CKAP5: variants seen among roughly 807,000 people sequenced by gnomAD.
The protein encoded by CKAP5 is cytoskeleton-associated protein 5.
In CKAP5, 27 loss-of-function variants were observed where a neutral mutation model predicts 232.8. The ratio of observed to expected loss-of-function variants is 0.12; its 90% CI spans 0.09 to 0.16. CKAP5 has a LOEUF of 0.16. Among genes scored for constraint, CKAP5 ranks in the 10% least tolerant of loss-of-function variants. CKAP5 has a pLI of 1.00. For missense variants in CKAP5, 1,838 were observed against 2,424.7 expected (o/e 0.76, Z 5.08); for synonymous variants, 785 against 841.1 (o/e 0.93, Z 1.16).
intron 28 of CKAP5, 128 bp downstream of exon 28, chr11:46,764,998 AATAAT>A (rs1269182499): frequency 6.6e-5 from 47 of 710,974 alleles, no homozygotes; most frequent in Non-Finnish European, 8.7e-5. Context: ...CCATAAACTA[AATAAT>A]ATAATTTATA....
At chr11:46,822,593 C>G (rs1024345211) in intron 1 of CKAP5, among the ~76,000 whole-genome samples, 1 of 151,480 alleles carries the variant, frequency 6.6e-6, no homozygotes, top group Non-Finnish European at 1.5e-5. Context: ...CTATTAAAAA[C>G]ACAAAAAATT....
intron 24 of CKAP5, among the ~76,000 whole-genome samples, chr11:46,775,462 C>CTGG (rs2065282707): frequency 6.6e-6 from 1 of 152,188 alleles, no homozygotes; most frequent in Non-Finnish European, 1.5e-5. Flanking sequence ...ACCCAGCAAT[C>CTGG]CCATTACTGG....
At chr11:46,819,879 ATTTT>A (rs990231154) in intron 2 of CKAP5, among the ~76,000 whole-genome samples, 4 of 152,036 alleles carry the variant, frequency 2.6e-5, no homozygotes, top group South Asian at 2.1e-4. Flanking sequence ...AACCAGATTT[ATTTT>A]TTTATTTTTT....
intron 33 of CKAP5, chr11:46,760,237 C>A (rs931223033): frequency 9.0e-6 from 3 of 334,080 alleles, no homozygotes; most frequent in African/African-American, 4.3e-5. Flanking sequence ...TTATGGACAC[C>A]CTCTACCCTG....
At chr11:46,761,849 G>T in intron 32 of CKAP5, 151 bp downstream of exon 32, 1 of 573,318 alleles carries the variant, frequency 1.7e-6, no homozygotes. Context: ...CACCTCAAGG[G>T]TCTATCTGGA....
chr11:46,762,880 G>A (rs1317851534), intron 30 of CKAP5, 96 bp downstream of exon 30: 5 of 1,436,238 alleles, frequency 3.5e-6, no homozygotes, highest in Non-Finnish European at 4.8e-6. Context: ...AAGGTACCGT[G>A]ATATAATCAG....
At chr11:46,780,354 C>T (rs1378883556) in intron 19 of CKAP5, 35 bp from the exon 20 acceptor site, 6 of 1,613,692 alleles carry the variant, frequency 3.7e-6, no homozygotes. Context: ...TTTTAAATCA[C>T]AAAGATGGCA....
chr11:46,801,886 G>A (rs570638501), intron 8 of CKAP5, among the ~76,000 whole-genome samples: 11 of 152,184 alleles, frequency 7.2e-5, no homozygotes, highest in Non-Finnish European at 1.6e-4. Flanking sequence ...TGTCAGCACT[G>A]TTCAACTGTG....
chr11:46,843,775 T>C (rs1940115906), intron 1 of CKAP5, among the ~76,000 whole-genome samples: 1 of 151,526 alleles, frequency 6.6e-6, no homozygotes, highest in South Asian at 2.1e-4. Flanking sequence ...ATGTAAGTGT[T>C]GACAGAACTA....
At chr11:46,787,951 G>A (rs988573820) in intron 16 of CKAP5, among the ~76,000 whole-genome samples, 1 of 152,150 alleles carries the variant, frequency 6.6e-6, no homozygotes, top group African/African-American at 2.4e-5. Flanking sequence ...GATGGGAATT[G>A]AAGACCTTTA....
chr11:46,782,610 A>G (rs1488639264), intron 18 of CKAP5, among the ~76,000 whole-genome samples: 2 of 152,210 alleles, frequency 1.3e-5, no homozygotes, highest in Non-Finnish European at 2.9e-5. Flanking sequence ...CAGCTACATC[A>G]TTCTTTCTCC....
rs768641589 is a variant in CKAP5, at chr11:46,763,571, T to C, written c.3597A>G (p.Gln1199=). 3.7e-6 allele frequency: 6 copies of C among 1,601,718 alleles called. No individual in the cohort carries two copies. The highest frequency in any genetic ancestry group is 2.2e-5 in the South Asian group (2 of 89,520). Residue 1199 remains glutamine, a synonymous_variant, in exon 29 of 44, where the codon CAA becomes CAG. Coordinates refer to ENST00000529230, the MANE Select transcript of CKAP5 (RefSeq NM_001008938.4). ...ACCATTTAGCCACACAGCTAGACAT[T>C]TGAGTCTTTAGTTGCTCAATGTATT... ...RDEYIEQLKT[Q]MSSCVAKWLQ...
intron 33 of CKAP5, 137 bp from the exon 34 acceptor site, chr11:46,759,579 C>G: frequency 1.2e-6 from 1 of 807,128 alleles, no homozygotes; most frequent in Non-Finnish European, 1.9e-6. Context: ...GATTTAAGTC[C>G]CTGAGTCTAA....
intron 36 of CKAP5, among the ~76,000 whole-genome samples, chr11:46,754,067 C>T (rs1335793687): frequency 2.6e-5 from 4 of 151,710 alleles, no homozygotes; most frequent in African/African-American, 9.7e-5. Context: ...GGCACGATCT[C>T]GGCTCACTGA....
At chr11:46,765,649 GGCTGGAGTGCAGTGGCGTGATCTCA>G (rs2065197060) in intron 27 of CKAP5, among the ~76,000 whole-genome samples, 2 of 133,774 alleles carry the variant, frequency 1.5e-5, no homozygotes, top group Admixed American at 8.7e-5. Flanking sequence ...CTGTCGCCCA[GGCTGGAGTGCAGTGGCGTGATCTCA>G]GCTCACTGCA....
intron 42 of CKAP5, among the ~76,000 whole-genome samples, chr11:46,747,783 G>A (rs2065033101): frequency 6.6e-6 from 1 of 152,104 alleles, no homozygotes; most frequent in African/African-American, 2.4e-5. Context: ...GGGGAGGCCA[G>A]GCGTGGTGGC....
rs2065064606 is a variant in CKAP5 at position 46,751,548 on chromosome 11, A to G, written c.5134-14T>C. 1 of 1,594,950 alleles carries G rather than the reference A, an allele frequency of 6.3e-7. No individual in the cohort carries two copies. Among genetic ancestry groups the G allele is most frequent in the South Asian group, 1.1e-5 (1 of 88,958 alleles). ...TCTCCAGAGACACTATTGAAAAAAG[A>G]ATAAAAGAGTTAGGAGTGACTGAAG... On this transcript the variant is annotated splice_polypyrimidine_tract_variant and intron_variant, in intron 38 of 43. Transcript: ENST00000529230.
intron 32 of CKAP5, among the ~76,000 whole-genome samples, chr11:46,761,495 T>C (rs2065154854): frequency 6.6e-6 from 1 of 152,090 alleles, no homozygotes; most frequent in African/African-American, 2.4e-5. Context: ...CCTGTGTAAA[T>C]ACATGGTGAC....
At position 46,809,742 on chromosome 11, in the gene CKAP5, C is replaced by T. The variant is rs1237669649; in HGVS notation, c.763G>A (p.Gly255Ser). Residue 255 changes from glycine (G) to serine (S), a missense_variant and splice_region_variant, in exon 6 of 44, where the codon GGT becomes AGT. By Grantham distance (56) the Gly-to-Ser change is moderately conservative. Coordinates refer to ENST00000529230, the MANE Select transcript of CKAP5 (RefSeq NM_001008938.4). Reference protein sequence around the residue: ...QQSAGGDAEGGGDDGDEVPQI... With the variant: ...QQSAGGDAEGSGDDGDEVPQI... The stretch of plus-strand genomic sequence containing the variant: ...AAACCGGTGTTTAAAATTGGCTTAC[C>T]TCCTTCAGCATCTCCACCAGCAGAC... 1 of 1,613,564 alleles carries T rather than the reference C, an allele frequency of 6.2e-7. No individual in the cohort carries two copies. Among genetic ancestry groups the T allele is most frequent in the Admixed American group, 1.7e-5 (1 of 59,906 alleles).
Sources: allele counts gnomAD v4.1 joint callset (sites outside exome capture counted in the v4.1 genomes callset), GRCh38; gene constraint gnomAD v4.1.1; transcripts MANE v1.5; gene names NCBI Gene and HGNC (gene_info 2026-07-23, HGNC 2026-07-21).